The following FMO5 variants were observed in gnomAD, a reference collection of about 807,000 sequenced individuals.
FMO5 encodes the protein flavin containing dimethylaniline monoxygenase 5, also known as flavin-containing monooxygenase 5.
A neutral mutation model predicts 43.6 loss-of-function variants in FMO5; 51 were observed. The ratio of observed to expected loss-of-function variants is 1.17; its 90% CI spans 0.93 to 1.48. The LOEUF (loss-of-function observed/expected upper bound fraction) is 1.48, where lower values mean the gene tolerates loss of function less well. Among genes scored for constraint, FMO5 ranks in the 40% most tolerant of loss-of-function variants. The pLI is 0.00. For missense variants in FMO5, 644 were observed against 643.0 expected (o/e 1.00, Z -0.02); for synonymous variants, 187 against 216.5 (o/e 0.86, Z 1.20).
upstream of FMO5, chr1:147,225,362 A>C (rs782140905): frequency 6.9e-6 from 2 of 290,484 alleles, no homozygotes; most frequent in Non-Finnish European, 1.3e-5. Context: ...TTGTCAAATT[A>C]CTATAAACCA....
At chr1:147,184,315 C>G, downstream of FMO5, 1 of 584,192 alleles carries the variant, frequency 1.7e-6, no homozygotes, top group Non-Finnish European at 2.6e-6. The surrounding 1 kb of genome is among the most constrained non-coding windows in gnomAD (Gnocchi z 4.4). Context: ...TACCCCACAT[C>G]CAATTTCCTT....
chr1:147,211,946 A>G (rs951831417), intron 5 of FMO5, among the ~76,000 whole-genome samples: 2 of 152,224 alleles, frequency 1.3e-5, no homozygotes, highest in Admixed American at 6.5e-5. Context: ...GGAAAATTCA[A>G]GCACCATCCT....
chr1:147,211,352 A>G (rs1347876792), intron 5 of FMO5: 1 of 152,216 alleles, frequency 6.6e-6, no homozygotes, highest in African/African-American at 2.4e-5. Context: ...CCTTGTTTAT[A>G]TAATTATTTT....
intron 7 of FMO5, among the ~76,000 whole-genome samples, chr1:147,197,751 G>A (rs1658259700): frequency 6.6e-6 from 1 of 152,154 alleles, no homozygotes. Flanking sequence ...GCCTCAGGCA[G>A]TTCTTTATAG....
rs1411701659 is a variant in FMO5, at chr1:147,190,189, T to C, written c.1244A>G (p.Glu415Gly). The C allele has an allele frequency of 2.5e-6, 4 of 1,608,830 alleles. No homozygotes were observed. Among genetic ancestry groups the C allele is most frequent in the African/African-American group, 2.7e-5 (2 of 74,704 alleles). Residue 415 changes from glutamate (E) to glycine (G), a missense_variant, in exon 8 of 9, where the codon GAA (glutamate) becomes GGA (glycine). By Grantham distance (98) the Glu-to-Gly change is moderately conservative. Transcript: ENST00000254090. ...GAGAGTTTCTTACCTTTTGTCAATT[T>C]CCTCTTGAGCTTTAGATATTTCTGC... ...MMAEISKAQEEIDKRYVESQR... is the reference protein window; with the variant it reads ...MMAEISKAQEGIDKRYVESQR...
At position 147,212,392 on chromosome 1, in the gene FMO5, C is replaced by T. The variant is rs587757202; in HGVS notation, c.630+1G>A. ...GTAAATAATAATTGAGTGATTCAAA[C>T]CTGCTTGGCTGTTTGGCTAATCTCT... is the stretch of plus-strand genomic sequence containing the variant. On this transcript the variant is annotated splice_donor_variant, in intron 5 of 8. Transcript: ENST00000254090. LOFTEE classifies it high-confidence loss of function. The T allele has an allele frequency of 6.2e-7, 1 of 1,613,820 alleles. No homozygotes were observed. Among genetic ancestry groups the T allele is most frequent in the Middle Eastern group, 1.7e-4 (1 of 6,060 alleles).
chr1:147,218,769 T>G (rs1662469129), intron 2 of FMO5, among the ~76,000 whole-genome samples: 1 of 152,238 alleles, frequency 6.6e-6, no homozygotes, highest in Non-Finnish European at 1.5e-5. Context: ...CCTGAAACAC[T>G]CTAGGCTCTT....
At chr1:147,205,113 T>G (rs114419749) in intron 6 of FMO5, among the ~76,000 whole-genome samples, 213 of 152,372 alleles carry the variant, frequency 1.4e-3, no homozygotes, top group African/African-American at 4.9e-3. Flanking sequence ...GTTCCAAGAC[T>G]TTGTCTTTAT....
intron 6 of FMO5, chr1:147,203,948 C>T: frequency 6.8e-6 from 9 of 1,332,140 alleles, no homozygotes; most frequent in Admixed American, 3.4e-5. Flanking sequence ...AGCTGTAGCA[C>T]CAACTGTTTT....
rs587769184 is a variant in FMO5 at position 147,224,674 on chromosome 1, T to C, written c.135+221A>G. ...ACATGCACCCGCCACCACGCCCGGCTAATTTTTTTGCATTTTTAGTAGAGA... is the reference window on the plus strand; with the variant it reads ...ACATGCACCCGCCACCACGCCCGGCCAATTTTTTTGCATTTTTAGTAGAGA... On this transcript the variant is annotated intron_variant, in intron 2 of 8. Coordinates refer to ENST00000254090, the MANE Select transcript of FMO5 (RefSeq NM_001461.4). 3.3e-5 allele frequency among the ~76,000 whole-genome samples: 5 copies of C among 152,068 alleles called. No individual in the cohort carries two copies. In the East Asian group the frequency reaches 9.7e-4, roughly 30 times the overall value.
chr1:147,205,761 T>A (rs1659887753), intron 6 of FMO5, among the ~76,000 whole-genome samples: 1 of 152,092 alleles, frequency 6.6e-6, no homozygotes, highest in Admixed American at 6.5e-5. Context: ...ATACAAAAAT[T>A]AATTCAAAAT....
Position 147,187,225 on chromosome 1 carries a change from T to C in FMO5, c.1277A>G (p.His426Arg). The C allele has an allele frequency of 1.9e-6, 3 of 1,609,122 alleles. No homozygotes were observed. The highest frequency in any genetic ancestry group is 2.2e-5 in the South Asian group (2 of 90,252). The change falls in exon 9 of 9, where the codon CAT (histidine) becomes CGT (arginine). Residue 426 changes from histidine to arginine, a missense_variant. Coordinates refer to ENST00000254090, the MANE Select transcript of FMO5 (RefSeq NM_001461.4). The stretch of plus-strand genomic sequence containing the variant: ...ATCTATGTAGTCTCCCTGAATGGTA[T>C]GGCGTTGGCTCTCCACATACCTAAA... ...IDKRYVESQR[H>R]TIQGDYIDTM...
chr1:147,203,114 C>CCT (rs375053027), intron 6 of FMO5, among the ~76,000 whole-genome samples: 7 of 147,746 alleles, frequency 4.7e-5, no homozygotes, highest in African/African-American at 1.5e-4. Flanking sequence ...CAAAGGTTTC[C>CCT]TTTTTTTTTT....
chr1:147,189,250 G>C (rs1446860980), intron 8 of FMO5, among the ~76,000 whole-genome samples: 2 of 149,976 alleles, frequency 1.3e-5, no homozygotes, highest in Non-Finnish European at 2.9e-5. Context: ...TCCAGCCTGA[G>C]TGACAGAGTG....
At chr1:147,218,243 A>ATTT (rs11391075) in intron 2 of FMO5, among the ~76,000 whole-genome samples, 261 of 150,296 alleles carry the variant, frequency 1.7e-3, no homozygotes, top group South Asian at 4.2e-3. Flanking sequence ...AACATGCAGA[A>ATTT]TTTTTTTTTT....
In FMO5 at chr1:147,225,035, C is replaced by G. The variant is rs782208013; in HGVS notation, c.-6G>C. On this transcript the variant is annotated 5_prime_UTR_variant, in exon 2 of 9. Transcript: ENST00000254090. ...GCAATTCTTTTCTTAGTCATGGTCT[C>G]CCGAGATCTTCACCTGTTAGTGTCG... The G allele has an allele frequency of 6.7e-7, 1 of 1,482,020 alleles. No individual in the cohort carries two copies. Among genetic ancestry groups the G allele is most frequent in the African/African-American group, 1.8e-5 (1 of 55,096 alleles). The allele number at this position is 1,482,020 out of a possible 1,614,324, so 91.8% of individuals were successfully genotyped here.
Position 147,186,544 on chromosome 1 carries a change from G to A in FMO5, c.*356C>T, listed in dbSNP as rs1451193827. 38 of 1,006,672 alleles carry A rather than the reference G, an allele frequency of 3.8e-5. No individual in the cohort carries two copies. The Admixed American group carries it at 1.4e-3, about 37-fold the overall frequency. The allele number at this position is 1,006,672 out of a possible 1,614,324, so 62.4% of individuals were successfully genotyped here. A position where few individuals can be genotyped will look rare whatever the true frequency, so the allele number is the denominator to read the frequency against. On this transcript the variant is annotated 3_prime_UTR_variant, in exon 9 of 9. Transcript: ENST00000254090. ...TACGTGGAGTAAGCGATTTTATACCGATGCTGACTTACTCTCCCTACCATA... is the reference window on the plus strand; with the variant it reads ...TACGTGGAGTAAGCGATTTTATACCAATGCTGACTTACTCTCCCTACCATA...
intron 2 of FMO5, among the ~76,000 whole-genome samples, chr1:147,222,343 G>A (rs1663175599): frequency 6.6e-6 from 1 of 152,316 alleles, no homozygotes; most frequent in African/African-American, 2.4e-5. Context: ...ACTCCAGCCT[G>A]GGTAACAGAG....
chr1:147,202,517 A>G (rs1267588961), intron 6 of FMO5, among the ~76,000 whole-genome samples: 2 of 151,868 alleles, frequency 1.3e-5, no homozygotes, highest in South Asian at 2.1e-4. Context: ...ACAGGGTTTC[A>G]CCATGTTGGC....
Sources: allele counts gnomAD v4.1 joint callset (sites outside exome capture counted in the v4.1 genomes callset), GRCh38; gene constraint gnomAD v4.1.1; non-coding constraint Gnocchi (gnomAD v3.1); transcripts MANE v1.5; gene names NCBI Gene and HGNC (gene_info 2026-07-23, HGNC 2026-07-21).